IBTK: variants seen among roughly 807,000 people sequenced by gnomAD.
IBTK encodes BTK-binding protein.
A neutral mutation model predicts 154.9 loss-of-function variants in IBTK; 83 were observed. The ratio of observed to expected loss-of-function variants is 0.54; its 90% CI spans 0.45 to 0.64. The LOEUF (loss-of-function observed/expected upper bound fraction) is 0.64, where lower values mean the gene tolerates loss of function less well. IBTK is among the 30% of genes least tolerant of loss of function. IBTK has a pLI of 0.00. For synonymous variants in IBTK, 515 were observed against 536.1 expected, an observed-to-expected ratio of 0.96 and a Z score of 0.54; for missense variants, 1,332 against 1,584.6, an observed-to-expected ratio of 0.84 and a Z score of 2.71.
At chr6:82,225,403 T>A in intron 6 of IBTK, 74 bp downstream of exon 6, 1 of 1,162,754 alleles carries the variant, frequency 8.6e-7, no homozygotes, top group Non-Finnish European at 1.2e-6. Context: ...GCTCTGTCAA[T>A]AACTTACATT....
intron 16 of IBTK, chr6:82,205,542 C>T (rs1003188013): frequency 1.3e-5 from 2 of 152,252 alleles, no homozygotes; most frequent in Non-Finnish European, 1.5e-5. Flanking sequence ...TGGAGGCAGA[C>T]CGACCACTTA....
intron 4 of IBTK, among the ~76,000 whole-genome samples, 177 bp from the exon 5 acceptor site, chr6:82,227,479 CTTTGT>C (rs1770338825): frequency 6.6e-6 from 1 of 151,880 alleles, no homozygotes; most frequent in African/African-American, 2.4e-5. Flanking sequence ...GATACATATG[CTTTGT>C]TTTAAAATTA....
At chr6:82,177,331 T>G (rs919032768) in intron 26 of IBTK, among the ~76,000 whole-genome samples, 6 of 152,156 alleles carry the variant, frequency 3.9e-5, no homozygotes, top group African/African-American at 1.2e-4. Context: ...TGCCTCAGCC[T>G]CCCTAGTAGC....
At chr6:82,192,068 TTAAC>T (rs1768789613) in intron 23 of IBTK, among the ~76,000 whole-genome samples, 189 bp from the exon 24 acceptor site, 1 of 152,140 alleles carries the variant, frequency 6.6e-6, no homozygotes. Flanking sequence ...TATATAAATA[TTAAC>T]TAATATATAT....
chr6:82,198,597 CT>C (rs1016873692), intron 21 of IBTK, among the ~76,000 whole-genome samples: 8 of 151,670 alleles, frequency 5.3e-5, no homozygotes, highest in Non-Finnish European at 8.8e-5. Flanking sequence ...GCCTAACAAG[CT>C]TTTTTTTCCA....
intron 25 of IBTK, among the ~76,000 whole-genome samples, chr6:82,185,543 A>C (rs1178220503): frequency 2.0e-5 from 3 of 151,086 alleles, no homozygotes; most frequent in Non-Finnish European, 4.4e-5. Flanking sequence ...ACAAAAAAAA[A>C]GTTCCAATTT....
intron 13 of IBTK, among the ~76,000 whole-genome samples, chr6:82,212,207 G>A (rs1438530509): frequency 1.3e-5 from 2 of 152,052 alleles, no homozygotes; most frequent in African/African-American, 4.8e-5. Context: ...ATGTTAATCA[G>A]GCTCTTGACC....
chr6:82,238,524 G>C (rs1327215940), intron 2 of IBTK, among the ~76,000 whole-genome samples: 1 of 151,922 alleles, frequency 6.6e-6, no homozygotes, highest in African/African-American at 2.4e-5. Context: ...AGCAACCGCC[G>C]CCTCCTGGGT....
rs1562063945 is a variant in IBTK, at chr6:82,170,742, C to CT, written c.*682dup. On this transcript the variant is annotated 3_prime_UTR_variant, in exon 29 of 29. Coordinates refer to ENST00000306270, the MANE Select transcript of IBTK (RefSeq NM_015525.4). ...CACAATGACTCCAAATCTTGTTTTT[C>CT]TTTTTTAAAACGCTATTCTCTTGGG... 1 of 152,108 alleles carries CT rather than the reference C, an allele frequency of 6.6e-6. No individual in the cohort carries two copies. Among genetic ancestry groups the CT allele is most frequent in the South Asian group, 2.1e-4 (1 of 4,822 alleles). The allele number at this position is 152,108 out of a possible 1,614,324, so 9.4% of individuals were successfully genotyped here.
intron 26 of IBTK, among the ~76,000 whole-genome samples, chr6:82,177,964 A>G (rs1768179356): frequency 6.6e-6 from 1 of 152,226 alleles, no homozygotes; most frequent in African/African-American, 2.4e-5. Flanking sequence ...CTACTTTTAT[A>G]TATACCCAAC....
chr6:82,243,211 AG>A (rs1771020956), intron 1 of IBTK, among the ~76,000 whole-genome samples: 1 of 151,096 alleles, frequency 6.6e-6, no homozygotes. Context: ...ACTGCACTCC[AG>A]CCTGGGCGAC....
intron 5 of IBTK, among the ~76,000 whole-genome samples, chr6:82,226,846 T>A (rs1369385927): frequency 1.3e-5 from 2 of 152,190 alleles, no homozygotes; most frequent in Non-Finnish European, 2.9e-5. Context: ...CCTCAGGTGA[T>A]CCGCCTGCTT....
chr6:82,208,740 T>C lies in IBTK; in HGVS notation c.2509+2074A>G, dbSNP rs1280129989. Reference sequence around the variant, plus strand: ...GCTTGCCCAATGGAATAAGACCCTGTCTCAAAAATAAAAAAAAATTAAGTT... The same window carrying C: ...GCTTGCCCAATGGAATAAGACCCTGCCTCAAAAATAAAAAAAAATTAAGTT... On this transcript the variant is annotated intron_variant, in intron 16 of 28. Transcript: ENST00000306270. 3.3e-5 allele frequency among the ~76,000 whole-genome samples: 5 copies of C among 151,970 alleles called. No individual in the cohort carries two copies. In the East Asian group the frequency reaches 9.7e-4, roughly 29 times the overall value.
intron 16 of IBTK, among the ~76,000 whole-genome samples, chr6:82,208,041 T>C (rs1360329845): frequency 4.0e-5 from 6 of 151,164 alleles, no homozygotes; most frequent in Non-Finnish European, 5.9e-5. Context: ...AGACCTTATA[T>C]ACAGCATGGC....
intron 1 of IBTK, among the ~76,000 whole-genome samples, chr6:82,242,318 A>G (rs769421004): frequency 2.8e-4 from 43 of 151,908 alleles, no homozygotes; most frequent in Non-Finnish European, 6.0e-4. Flanking sequence ...GTGGTGAACC[A>G]AGATCACACC....
chr6:82,205,788 C>T (rs1203378249), intron 16 of IBTK: 1 of 151,886 alleles, frequency 6.6e-6, no homozygotes, highest in Non-Finnish European at 1.5e-5. Flanking sequence ...AATAAAACAA[C>T]TTTCTTGGTC....
Position 82,191,781 on chromosome 6 carries a change from A to G in IBTK, c.3431+6T>C, listed in dbSNP as rs772038839. On this transcript the variant is annotated splice_donor_region_variant and intron_variant, in intron 24 of 28. Coordinates refer to ENST00000306270, the MANE Select transcript of IBTK (RefSeq NM_015525.4). The stretch of plus-strand genomic sequence containing the variant: ...GAAATGATCTTTTGTAATGTTTTCA[A>G]CCCACCCTAAATGTGACTTTGGTGT... 7 of 1,531,136 alleles carry G rather than the reference A, an allele frequency of 4.6e-6. No homozygotes were observed. In the Admixed American group the frequency reaches 1.0e-4, roughly 22 times the overall value. 94.8% of individuals were successfully genotyped at this position (1,531,136 alleles called of 1,614,324 possible).
intron 26 of IBTK, chr6:82,174,750 A>T (rs1768049112): frequency 3.1e-6 from 1 of 321,734 alleles, no homozygotes; most frequent in Admixed American, 4.2e-5. Context: ...AAGAAAGCAT[A>T]TATTAACTAT....
At chr6:82,216,657 G>A (rs1233585846) in intron 10 of IBTK, among the ~76,000 whole-genome samples, 1 of 152,094 alleles carries the variant, frequency 6.6e-6, no homozygotes, top group Non-Finnish European at 1.5e-5. Context: ...TAATCTGCTT[G>A]TTTATTTGCT....
Sources: gnomAD v4.1 joint callset for allele counts (sites outside exome capture counted in the v4.1 genomes callset) on GRCh38, gnomAD v4.1.1 for gene constraint, MANE v1.5 for transcripts, NCBI Gene and HGNC (gene_info 2026-07-23, HGNC 2026-07-21) for gene names.